The following PAK1 variants were observed in gnomAD, a reference collection of about 807,000 sequenced individuals.
PAK1 encodes the protein p21 (RAC1) activated kinase 1, also known as serine/threonine-protein kinase PAK 1.
Under a neutral mutation model 67.4 loss-of-function variants are expected in PAK1, and 29 were observed. The ratio of observed to expected loss-of-function variants is 0.43; its 90% CI spans 0.32 to 0.59. The LOEUF is 0.59. Ranked by LOEUF, PAK1 falls within the 20% of genes least tolerant of loss-of-function variation. The probability of loss-of-function intolerance (pLI) is 0.07; values close to 1 mark genes in which losing one functional copy is unlikely to be tolerated. For synonymous variants in PAK1, 223 were observed against 237.4 expected (o/e 0.94, Z 0.56); for missense variants, 337 against 670.7 (o/e 0.50, Z 5.50).
intron 1 of PAK1, among the ~76,000 whole-genome samples, chr11:77,429,517 T>C (rs149116737): frequency 1.2e-3 from 177 of 152,302 alleles, no homozygotes; most frequent in African/African-American, 4.1e-3. Context: ...CCAAAACCAC[T>C]ACCATCTAAA....
intron 1 of PAK1, among the ~76,000 whole-genome samples, chr11:77,451,851 G>A (rs917413699): frequency 2.1e-5 from 3 of 142,464 alleles, no homozygotes; most frequent in East Asian, 1.9e-4. Context: ...CGCCTGCCTC[G>A]GCCTCCCAAA....
the PAK1 span, among the ~76,000 whole-genome samples, chr11:77,494,590 T>C: frequency 2.3e-5 from 3 of 130,564 alleles, no homozygotes; most frequent in Non-Finnish European, 3.3e-5. Context: ...TAGCTACTAT[T>C]AAAAAAAAAA....
intron 2 of PAK1, among the ~76,000 whole-genome samples, chr11:77,380,806 G>C (rs1161200304): frequency 6.6e-6 from 1 of 152,206 alleles, no homozygotes; most frequent in African/African-American, 2.4e-5. Flanking sequence ...TGCTCAGACA[G>C]TAAGTGAAGA....
At chr11:77,453,346 C>T in intron 1 of PAK1, among the ~76,000 whole-genome samples, 1 of 151,916 alleles carries the variant, frequency 6.6e-6, no homozygotes. Flanking sequence ...AAGAGCAAAA[C>T]TCAGTCTCAG....
chr11:77,492,358 C>CAA, the PAK1 span, among the ~76,000 whole-genome samples: 18 of 140,566 alleles, frequency 1.3e-4, no homozygotes, highest in South Asian at 4.4e-4. Context: ...AAAACAACAA[C>CAA]AAAAAAAAAA....
At chr11:77,505,526 C>G in the PAK1 span, among the ~76,000 whole-genome samples, 1 of 152,152 alleles carries the variant, frequency 6.6e-6, no homozygotes, top group Non-Finnish European at 1.5e-5. Context: ...CTCATCTTCC[C>G]AAACTGAAAC....
At chr11:77,353,435 A>C in intron 8 of PAK1, 101 bp downstream of exon 8, 1 of 785,608 alleles carries the variant, frequency 1.3e-6, no homozygotes. Context: ...GTGGAGAAAG[A>C]AGAACAAGGT....
At chr11:77,528,942 C>A in the PAK1 span, among the ~76,000 whole-genome samples, 2 of 152,104 alleles carry the variant, frequency 1.3e-5, no homozygotes, top group East Asian at 3.8e-4. Context: ...GTCTGGCTGT[C>A]CCACTGTTAA....
At chr11:77,359,748 C>A (rs1334353194) in intron 5 of PAK1, among the ~76,000 whole-genome samples, 1 of 152,052 alleles carries the variant, frequency 6.6e-6, no homozygotes, top group Non-Finnish European at 1.5e-5. Flanking sequence ...CCAAGAGTGG[C>A]AGGTTTTAGG....
chr11:77,497,936 T>G, the PAK1 span, among the ~76,000 whole-genome samples: 2 of 152,178 alleles, frequency 1.3e-5, no homozygotes, highest in African/African-American at 4.8e-5. Context: ...ACTGCTACCT[T>G]CAGTAAAAAA....
chr11:77,348,950 C>A (rs1565600062), intron 9 of PAK1, among the ~76,000 whole-genome samples: 1 of 151,954 alleles, frequency 6.6e-6, no homozygotes, highest in Non-Finnish European at 1.5e-5. Context: ...ATGGTGAAAC[C>A]TCACCTCTAC....
At chr11:77,422,445 TG>T (rs1386775894) in intron 1 of PAK1, among the ~76,000 whole-genome samples, 5 of 151,214 alleles carry the variant, frequency 3.3e-5, no homozygotes, top group African/African-American at 1.2e-4. Flanking sequence ...CCTGTAATCT[TG>T]GGAGGCTGAG....
intron 11 of PAK1, among the ~76,000 whole-genome samples, chr11:77,338,472 G>T (rs1249266887): frequency 6.6e-6 from 1 of 152,104 alleles, no homozygotes; most frequent in Middle Eastern, 3.2e-3. Context: ...TGATGAAAAA[G>T]AATTATCTTG....
In PAK1 at chr11:77,451,976, T is replaced by C. The variant is rs577858851; in HGVS notation, c.-22+21576A>G. ...GGAAAAATATTTCTTTTCCCCTACA[T>C]TTATATATATTAATGTCCTCAAAAC... On this transcript the variant is annotated intron_variant, in intron 1 of 14. Transcript: ENST00000356341. 1.2e-3 allele frequency among the ~76,000 whole-genome samples: 189 copies of C among 152,298 alleles called. 2 individuals carry two copies. The highest frequency in any genetic ancestry group is 4.6e-3 in the South Asian group (22 of 4,830).
intron 3 of PAK1, 161 bp from the exon 4 acceptor site, chr11:77,379,549 A>G (rs959201649): frequency 9.5e-6 from 6 of 634,468 alleles, no homozygotes; most frequent in Non-Finnish European, 1.3e-5. Flanking sequence ...CTTTTATAAT[A>G]TCTTTCTCAT....
Position 77,323,129 on chromosome 11 carries a change from T to A in PAK1, c.*145A>T. The A allele has an allele frequency of 5.4e-6, 8 of 1,488,996 alleles. No homozygotes were observed. The highest frequency in any genetic ancestry group is 7.3e-6 in the Non-Finnish European group (8 of 1,094,168). 92.2% of individuals were successfully genotyped at this position (1,488,996 alleles called of 1,614,324 possible). A position where few individuals can be genotyped will look rare whatever the true frequency, so the allele number is the denominator to read the frequency against. ...TCTCTTCAATGCTGGACACACGGTT[T>A]CCAAGGATCAAAGTCTTGAGGAGTG... On this transcript the variant is annotated 3_prime_UTR_variant, in exon 15 of 15. Coordinates refer to ENST00000356341, the MANE Select transcript of PAK1 (RefSeq NM_002576.5).
At chr11:77,428,052 G>A (rs968447137) in intron 1 of PAK1, among the ~76,000 whole-genome samples, 2 of 152,152 alleles carry the variant, frequency 1.3e-5, no homozygotes, top group African/African-American at 2.4e-5. Context: ...TAAGAAATGA[G>A]GACGAAAGGT....
At chr11:77,522,333 T>TGTA in the PAK1 span, among the ~76,000 whole-genome samples, 3 of 152,340 alleles carry the variant, frequency 2.0e-5, no homozygotes, top group African/African-American at 7.2e-5. Flanking sequence ...ATGGGGACTG[T>TGTA]GTAGACAAGG....
intron 1 of PAK1, among the ~76,000 whole-genome samples, chr11:77,430,068 T>C (rs566748883): frequency 1.2e-4 from 18 of 152,274 alleles, no homozygotes; most frequent in Admixed American, 4.6e-4. Context: ...GGTCACACAG[T>C]GAAGTTAAAG....
Sources: allele counts gnomAD v4.1 joint callset (sites outside exome capture counted in the v4.1 genomes callset), GRCh38; gene constraint gnomAD v4.1.1; transcripts MANE v1.5; gene names NCBI Gene and HGNC (gene_info 2026-07-23, HGNC 2026-07-21).